MYO16: variants seen among roughly 807,000 people sequenced by gnomAD.
MYO16 encodes myosin XVI.
Under a neutral mutation model 205.3 loss-of-function variants are expected in MYO16, and 94 were observed. The observed-to-expected ratio is 0.46, with a 90% confidence interval of 0.39 to 0.54. The LOEUF is 0.54. MYO16 is among the 20% of genes least tolerant of loss of function. MYO16 has a pLI of 0.00. For synonymous variants in MYO16, 988 were observed against 954.0 expected (o/e 1.04, Z -0.66); for missense variants, 2,315 against 2,387.5 (o/e 0.97, Z 0.63).
intron 34 of MYO16, among the ~76,000 whole-genome samples, chr13:109,205,993 C>T (rs532268652): frequency 3.3e-5 from 5 of 152,286 alleles, no homozygotes; most frequent in Non-Finnish European, 7.4e-5. Context: ...TGAATGAGCT[C>T]ATTGGATATT....
At chr13:109,033,186 AC>A (rs1886598876) in intron 23 of MYO16, among the ~76,000 whole-genome samples, 1 of 152,026 alleles carries the variant, frequency 6.6e-6, no homozygotes, top group Non-Finnish European at 1.5e-5. Flanking sequence ...CCATGTTTTC[AC>A]CCTTTGCCCA....
intron 32 of MYO16, among the ~76,000 whole-genome samples, chr13:109,146,694 G>A (rs1390270387): frequency 2.0e-5 from 3 of 152,106 alleles, no homozygotes; most frequent in African/African-American, 7.2e-5. Flanking sequence ...CTACTTGAGA[G>A]GCTGAGGTGG....
chr13:109,087,985 A>G (rs1301491228), intron 27 of MYO16, among the ~76,000 whole-genome samples: 1 of 152,256 alleles, frequency 6.6e-6, no homozygotes, highest in Non-Finnish European at 1.5e-5. Context: ...TGGCTCAGCC[A>G]GTGAATTATA....
intron 31 of MYO16, among the ~76,000 whole-genome samples, chr13:109,139,462 T>G (rs1876930586): frequency 6.6e-6 from 1 of 152,172 alleles, no homozygotes; most frequent in Non-Finnish European, 1.5e-5. Context: ...ACTTCCCCAC[T>G]GCATCTCCAG....
upstream of MYO16, among the ~76,000 whole-genome samples, chr13:108,595,570 C>T (rs1878525451): frequency 6.6e-6 from 1 of 152,190 alleles, no homozygotes; most frequent in Non-Finnish European, 1.5e-5. Flanking sequence ...AGTCGCTCCC[C>T]TGCAGATGCT....
chr13:108,665,186 T>C (rs1881670098), intron 1 of MYO16, among the ~76,000 whole-genome samples: 6 of 152,138 alleles, frequency 3.9e-5, no homozygotes. Context: ...CCTGGGCTTA[T>C]GCGATCCCCC....
intron 28 of MYO16, among the ~76,000 whole-genome samples, chr13:109,117,353 T>C (rs931045108): frequency 2.7e-4 from 36 of 134,346 alleles, no homozygotes; most frequent in African/African-American, 1.1e-3. Flanking sequence ...GAGATGCAAA[T>C]ATATATAATA....
chr13:108,949,193 G>A (rs1883049769), intron 16 of MYO16, among the ~76,000 whole-genome samples: 1 of 152,174 alleles, frequency 6.6e-6, no homozygotes, highest in African/African-American at 2.4e-5. Context: ...GCTGGAGAAG[G>A]TGTGCTTTTT....
intron 27 of MYO16, among the ~76,000 whole-genome samples, chr13:109,066,989 T>C (rs1422357835): frequency 6.6e-6 from 1 of 152,228 alleles, no homozygotes; most frequent in African/African-American, 2.4e-5. Flanking sequence ...CATCCACTCA[T>C]TCGTTCATCA....
chr13:108,681,617 C>T (rs1402715724), intron 2 of MYO16, among the ~76,000 whole-genome samples: 1 of 151,014 alleles, frequency 6.6e-6, no homozygotes, highest in Non-Finnish European at 1.5e-5. Context: ...TTTTTTCCAT[C>T]AAGAAGGTGA....
At chr13:108,563,917 A>G in the MYO16 span, among the ~76,000 whole-genome samples, 2 of 152,214 alleles carry the variant, frequency 1.3e-5, no homozygotes. Context: ...AAGAAGCTCC[A>G]AACTGCTCTC....
intron 33 of MYO16, among the ~76,000 whole-genome samples, chr13:109,175,915 ATGT>A (rs1166643579): frequency 2.6e-5 from 4 of 152,136 alleles, no homozygotes; most frequent in Non-Finnish European, 5.9e-5. Flanking sequence ...TTGCTTAGCA[ATGT>A]TCCCTTTAGC....
chr13:108,500,390 C>T, the MYO16 span, among the ~76,000 whole-genome samples: 4 of 151,534 alleles, frequency 2.6e-5, no homozygotes, highest in Non-Finnish European at 4.4e-5. Context: ...CCACCACGCC[C>T]GGCTAATTTT....
Position 108,823,295 on chromosome 13 carries a change from T to C in MYO16, c.1097+17T>C. 6.3e-7 allele frequency: 1 copy of C among 1,585,512 alleles called. No individual in the cohort carries two copies. The highest frequency in any genetic ancestry group is 1.2e-5 in the South Asian group (1 of 86,046). On this transcript the variant is annotated intron_variant, in intron 9 of 34. Coordinates refer to ENST00000457511, the MANE Select transcript of MYO16 (RefSeq NM_001198950.3). ...GAGTAAGCTGTAAGTGTCTTCCTGC[T>C]TATTCTCTTTTGCCATCTTCTCTAC...
chr13:109,127,172 T>C lies in MYO16; in HGVS notation c.3783-110T>C. On this transcript the variant is annotated intron_variant, in intron 30 of 34. Coordinates refer to ENST00000457511, the MANE Select transcript of MYO16 (RefSeq NM_001198950.3). This position sits in a 1 kb window ranked among gnomAD's most constrained non-coding sequence, Gnocchi z 4.2. ...GTCCTCCAGCCACAGCAGGAAGGGCTGCTTGCCAAAAAGCCGTCATTATGT... is the reference window on the plus strand; with the variant it reads ...GTCCTCCAGCCACAGCAGGAAGGGCCGCTTGCCAAAAAGCCGTCATTATGT... The C allele has an allele frequency of 2.2e-6, 3 of 1,370,022 alleles. No homozygotes were observed. The highest frequency in any genetic ancestry group is 2.9e-6 in the Non-Finnish European group (3 of 1,035,900). 84.9% of individuals were successfully genotyped at this position (1,370,022 alleles called of 1,614,324 possible).
At chr13:109,023,370 A>G (rs1241871794) in intron 23 of MYO16, among the ~76,000 whole-genome samples, 1 of 71,358 alleles carries the variant, frequency 1.4e-5, no homozygotes, top group African/African-American at 5.9e-5. Context: ...ATAAATATAT[A>G]TTTATATATT....
At chr13:108,531,631 T>TTG in the MYO16 span, among the ~76,000 whole-genome samples, 4 of 151,486 alleles carry the variant, frequency 2.6e-5, no homozygotes, top group African/African-American at 9.7e-5. Flanking sequence ...TCTAATTTTT[T>TTG]TTTTTTTGAG....
intron 4 of MYO16, among the ~76,000 whole-genome samples, chr13:108,778,915 G>GTTGT (rs139364772): frequency 0.044 from 6,728 of 152,120 alleles, 290 homozygotes; most frequent in East Asian, 0.24. Context: ...TGGCTTATCT[G>GTTGT]TTGTTTGTTT....
chr13:108,673,143 T>C (rs1175137663), intron 2 of MYO16, among the ~76,000 whole-genome samples: 3 of 151,990 alleles, frequency 2.0e-5, no homozygotes, highest in Non-Finnish European at 4.4e-5. Context: ...CATGTTTTTA[T>C]AGACAACGTC....
Sources: allele counts gnomAD v4.1 joint callset (sites outside exome capture counted in the v4.1 genomes callset), GRCh38; gene constraint gnomAD v4.1.1; non-coding constraint Gnocchi (gnomAD v3.1); transcripts MANE v1.5; gene names NCBI Gene and HGNC (gene_info 2026-07-23, HGNC 2026-07-21).